Variants in CTHRC1 observed in about 807,000 individuals in gnomAD.
The protein encoded by CTHRC1 is collagen triple helix repeat containing 1.
Under a neutral mutation model 25.9 loss-of-function variants are expected in CTHRC1, and 21 were observed. The observed-to-expected ratio is 0.81, with a 90% CI of 0.57 to 1.17. The LOEUF (loss-of-function observed/expected upper bound fraction) is 1.17. Among genes scored for constraint, CTHRC1 ranks in the 50% most tolerant of loss-of-function variants. CTHRC1 has a pLI of 0.00. For missense variants in CTHRC1, 281 were observed against 304.3 expected (o/e 0.92, Z 0.57); for synonymous variants, 109 against 113.1 (o/e 0.96, Z 0.23).
intron 3 of CTHRC1, among the ~76,000 whole-genome samples, chr8:103,379,862 C>T (rs1367798659): frequency 6.6e-6 from 1 of 152,172 alleles, no homozygotes; most frequent in Non-Finnish European, 1.5e-5. Context: ...TCCCTCAGAT[C>T]CCCACAATAT....
At position 103,382,557 on chromosome 8, in the gene CTHRC1, G is replaced by A. The variant is rs1393810872; in HGVS notation, c.689G>A (p.Trp230Ter). ...DYPKGDASTG[W>*]NSVSRIIIEE... ...CCAAAAGGAGATGCTTCTACTGGAT[G>A]GAATTCAGTTTCTCGCATCATTATT... Residue 230 changes from tryptophan to a stop codon, truncating the protein, a stop_gained, in exon 4 of 4, where the codon TGG (tryptophan) becomes TAG (stop). Transcript: ENST00000330295. LOFTEE classifies it high-confidence loss of function. 2 of 1,612,664 alleles carry A rather than the reference G, an allele frequency of 1.2e-6. No individual in the cohort carries two copies. Among genetic ancestry groups the A allele is most frequent in the Non-Finnish European group, 1.7e-6 (2 of 1,178,908 alleles).
intron 1 of CTHRC1, 76 bp from the exon 2 acceptor site, chr8:103,375,662 A>C: frequency 8.0e-7 from 1 of 1,255,760 alleles, no homozygotes; most frequent in South Asian, 1.2e-5. Context: ...GCTCAAAATA[A>C]ATGCATTTCT....
chr8:103,373,141 A>T (rs191820376), intron 1 of CTHRC1, among the ~76,000 whole-genome samples: 1 of 152,284 alleles, frequency 6.6e-6, no homozygotes, highest in Admixed American at 6.5e-5. Flanking sequence ...TACACAAAAT[A>T]CCCATTTTTC....
chr8:103,375,862 A>G lies in CTHRC1; in HGVS notation c.275A>G (p.Glu92Gly). The G allele has an allele frequency of 1.2e-6, 2 of 1,614,004 alleles. No individual in the cohort carries two copies. The highest frequency in any genetic ancestry group is 1.7e-6 in the Non-Finnish European group (2 of 1,179,998). ...GATGGATTCAAAGGAGAAAAGGGGG[A>G]ATGTCTGAGGGAAAGCTTTGAGGAG... ...GRDGFKGEKG[E>G]CLRESFEESW... Residue 92 changes from glutamate to glycine, a missense_variant, in exon 2 of 4, where the codon GAA (glutamate) becomes GGA (glycine). Coordinates refer to ENST00000330295, the MANE Select transcript of CTHRC1 (RefSeq NM_138455.4).
chr8:103,371,813 C>T lies in CTHRC1; in HGVS notation c.150+7C>T, dbSNP rs754572875. 9.4e-5 allele frequency: 141 copies of T among 1,498,660 alleles called. No individual in the cohort carries two copies. The highest frequency in any genetic ancestry group is 1.3e-4 in the Non-Finnish European group (141 of 1,124,174). 92.8% of individuals were successfully genotyped at this position (1,498,660 alleles called of 1,614,324 possible). A position where few individuals can be genotyped will look rare whatever the true frequency, so the allele number is the denominator to read the frequency against. ...GAGGGAGGTGGTGGACCTGGTGAGT[C>T]CGAGGGAGCCGAGCCGGGACCGCCG... On this transcript the variant is annotated splice_region_variant and intron_variant, in intron 1 of 3. Coordinates refer to ENST00000330295, the MANE Select transcript of CTHRC1 (RefSeq NM_138455.4).
chr8:103,372,432 C>A, intron 1 of CTHRC1: 1 of 1,508,070 alleles, frequency 6.6e-7, no homozygotes. Flanking sequence ...AGGAATGGTT[C>A]AGAAGGTTTA....
chr8:103,381,054 TAA>T (rs1412233809), intron 3 of CTHRC1, among the ~76,000 whole-genome samples: 2 of 152,238 alleles, frequency 1.3e-5, no homozygotes, highest in African/African-American at 2.4e-5. Context: ...ACCAGTCACA[TAA>T]AGTCATCCAC....
intron 1 of CTHRC1, among the ~76,000 whole-genome samples, chr8:103,374,260 A>G (rs931628245): frequency 6.6e-6 from 1 of 152,186 alleles, no homozygotes. Context: ...CCAGACAACT[A>G]TTGGATTTTA....
At chr8:103,380,448 T>G (rs1158811168) in intron 3 of CTHRC1, among the ~76,000 whole-genome samples, 1 of 152,158 alleles carries the variant, frequency 6.6e-6, no homozygotes, top group Non-Finnish European at 1.5e-5. Context: ...ACTGATAGTC[T>G]CTCTTAAGGG....
At chr8:103,372,930 T>A (rs2130394425) in intron 1 of CTHRC1, among the ~76,000 whole-genome samples, 1 of 152,352 alleles carries the variant, frequency 6.6e-6, no homozygotes, top group East Asian at 1.9e-4. Flanking sequence ...CAGCTAGTTC[T>A]GTATTGGATT....
rs1815795985 is a variant in CTHRC1, at chr8:103,375,905, C to T, written c.318C>T (p.Tyr106=). 3.1e-6 allele frequency: 5 copies of T among 1,614,044 alleles called. No homozygotes were observed. In the East Asian group the frequency reaches 8.9e-5, roughly 29 times the overall value. Residue 106 remains tyrosine (Y), a synonymous_variant, in exon 2 of 4, where the codon TAC becomes TAT. Coordinates refer to ENST00000330295, the MANE Select transcript of CTHRC1 (RefSeq NM_138455.4). ...TTGAGGAGTCCTGGACACCCAACTA[C>T]AAGCAGTGTTCATGGAGTTCATTGA... ...ESFEESWTPN[Y]KQCSWSSLNY...
intron 3 of CTHRC1, among the ~76,000 whole-genome samples, chr8:103,380,749 G>T (rs142957405): frequency 1.3e-5 from 2 of 152,224 alleles, no homozygotes; most frequent in South Asian, 4.1e-4. Context: ...TCCTTAGGCC[G>T]TAGGGGGAAG....
chr8:103,382,498 T>C lies in CTHRC1; in HGVS notation c.630T>C (p.Asp210=), dbSNP rs888869193. Residue 210 remains aspartate (D), a synonymous_variant, in exon 4 of 4, where the codon GAT becomes GAC. Transcript: ENST00000330295. ...AAGGAATTGGTGCTGGATTAGTGGATGTTGCTATCTGGGTTGGTACTTGTT... is the reference window on the plus strand; with the variant it reads ...AAGGAATTGGTGCTGGATTAGTGGACGTTGCTATCTGGGTTGGTACTTGTT... ...LCEGIGAGLV[D]VAIWVGTCSD... is the part of the protein sequence containing the mutation. 11 of 1,613,614 alleles carry C rather than the reference T, an allele frequency of 6.8e-6. No individual in the cohort carries two copies. The highest frequency in any genetic ancestry group is 1.3e-5 in the African/African-American group (1 of 74,926).
rs560238902 is a variant in CTHRC1, at chr8:103,372,125, G to C, written c.150+319G>C. Among the ~76,000 whole-genome samples, 380 of 152,218 alleles carry C rather than the reference G, an allele frequency of 2.5e-3. 1 individual carries two copies. Among genetic ancestry groups the C allele is most frequent in the African/African-American group, 8.8e-3 (365 of 41,544 alleles). On this transcript the variant is annotated intron_variant, in intron 1 of 3. Coordinates refer to ENST00000330295, the MANE Select transcript of CTHRC1 (RefSeq NM_138455.4). ...ATTTCTGGCCCCAGGGGGACCCCTTGGGAAGGGTGGGAGGGATAGGGCGGC... is the reference window on the plus strand; with the variant it reads ...ATTTCTGGCCCCAGGGGGACCCCTTCGGAAGGGTGGGAGGGATAGGGCGGC...
At chr8:103,377,005 C>A (rs1162397883) in intron 2 of CTHRC1, 2 of 152,162 alleles carry the variant, frequency 1.3e-5, no homozygotes, top group African/African-American at 4.8e-5. Context: ...TTACTGAGTT[C>A]TTTCTAAAAG....
intron 2 of CTHRC1, 94 bp from the exon 3 acceptor site, chr8:103,377,932 GA>G: frequency 2.8e-6 from 3 of 1,075,302 alleles, no homozygotes; most frequent in Non-Finnish European, 4.3e-6. Context: ...ACATTTTGGG[GA>G]AAAGGATAGT....
chr8:103,374,552 AG>A (rs1815771204), intron 1 of CTHRC1, among the ~76,000 whole-genome samples: 1 of 152,198 alleles, frequency 6.6e-6, no homozygotes, highest in African/African-American at 2.4e-5. Context: ...CTGATCATAC[AG>A]CATTGGCATG....
In CTHRC1 at chr8:103,371,579, G is replaced by C; in HGVS notation, c.-78G>C. 6.8e-7 allele frequency: 1 copy of C among 1,469,022 alleles called. No individual in the cohort carries two copies. Among genetic ancestry groups the C allele is most frequent in the South Asian group, 1.3e-5 (1 of 79,130 alleles). The allele number at this position is 1,469,022 out of a possible 1,614,324, so 91.0% of individuals were successfully genotyped here. A position where few individuals can be genotyped will look rare whatever the true frequency, so the allele number is the denominator to read the frequency against. ...CAGCCTGCGGCGGCCTCGGAGCGCG[G>C]CGGAGCCAGACGCTGACCACGTTCC... is the stretch of plus-strand genomic sequence containing the variant. On this transcript the variant is annotated 5_prime_UTR_variant, in exon 1 of 4. Coordinates refer to ENST00000330295, the MANE Select transcript of CTHRC1 (RefSeq NM_138455.4).
At chr8:103,375,708 G>A in intron 1 of CTHRC1, 30 bp from the exon 2 acceptor site, 4 of 1,582,562 alleles carry the variant, frequency 2.5e-6, no homozygotes, top group Non-Finnish European at 3.5e-6. Context: ...AGTGGTGAGA[G>A]TTTTCTTTGC....
Sources: gnomAD v4.1 joint callset for allele counts (sites outside exome capture counted in the v4.1 genomes callset) on GRCh38, gnomAD v4.1.1 for gene constraint, MANE v1.5 for transcripts, NCBI Gene and HGNC (gene_info 2026-07-23, HGNC 2026-07-21) for gene names.